ZDHHC5: variants seen among roughly 807,000 people sequenced by gnomAD.
The protein encoded by ZDHHC5 is zDHHC palmitoyltransferase 5.
In ZDHHC5, 22 loss-of-function variants were observed where a neutral mutation model predicts 70.0. The ratio of observed to expected loss-of-function variants is 0.31; its 90% CI spans 0.22 to 0.45. The LOEUF (loss-of-function observed/expected upper bound fraction) is 0.45, where lower values mean the gene tolerates loss of function less well. Among genes scored for constraint, ZDHHC5 ranks in the 20% least tolerant of loss-of-function variants. The pLI is 1.00. For synonymous variants in ZDHHC5, 313 were observed against 347.8 expected (o/e 0.90, Z 1.11); for missense variants, 746 against 926.9 (o/e 0.80, Z 2.53).
rs1353098981 is a variant in ZDHHC5 at position 57,700,827 on chromosome 11, C to T, written c.*796C>T. The T allele has an allele frequency of 6.6e-6, 1 of 152,650 alleles. No homozygotes were observed. The highest frequency in any genetic ancestry group is 1.5e-5 in the Non-Finnish European group (1 of 68,050). 9.5% of individuals were successfully genotyped at this position (152,650 alleles called of 1,614,324 possible). ...AGCTCAAACAATATTGGATAATCCC[C>T]TCCTTGGGGGAGAGGGATTAGAGTG... On this transcript the variant is annotated 3_prime_UTR_variant, in exon 12 of 12. Coordinates refer to ENST00000287169, the MANE Select transcript of ZDHHC5 (RefSeq NM_015457.3).
Position 57,700,398 on chromosome 11 carries a change from G to C in ZDHHC5, c.*367G>C, listed in dbSNP as rs1045540894. 2 of 148,642 alleles carry C rather than the reference G, an allele frequency of 1.3e-5. No individual in the cohort carries two copies. Among genetic ancestry groups the C allele is most frequent in the Admixed American group, 6.8e-5 (1 of 14,814 alleles). The allele number at this position is 148,642 out of a possible 1,614,324, so 9.2% of individuals were successfully genotyped here. ...TTTTTTTCCTCTTCTGCGTTACCAG[G>C]TGTGTGTGTACATATAATATATATA... On this transcript the variant is annotated 3_prime_UTR_variant, in exon 12 of 12. Transcript: ENST00000287169.
Position 57,693,839 on chromosome 11 carries a change from G to T in ZDHHC5, c.809G>T (p.Arg270Leu), listed in dbSNP as rs145352118. The change falls in exon 8 of 12, where the codon CGA becomes CTA. Residue 270 changes from arginine (R) to leucine (L), a missense_variant. Transcript: ENST00000287169. ...ATTGTAATCAGACCTCCCTTCCTTC[G>T]ACCAGAAGTTTCAGATGGGCAGATA... ...KTIVIRPPFL[R>L]PEVSDGQITV... is the part of the protein sequence containing the mutation. 1 of 1,608,396 alleles carries T rather than the reference G, an allele frequency of 6.2e-7. No homozygotes were observed. Among genetic ancestry groups the T allele is most frequent in the Admixed American group, 1.7e-5 (1 of 59,340 alleles).
At chr11:57,688,328 A>G (rs532199546) in intron 3 of ZDHHC5, among the ~76,000 whole-genome samples, 180 bp from the exon 4 acceptor site, 2 of 152,174 alleles carry the variant, frequency 1.3e-5, no homozygotes, top group Non-Finnish European at 2.9e-5. Context: ...TCCCTCATCC[A>G]TGTTCCCATA....
At chr11:57,668,958 C>G (rs1350946144) in intron 1 of ZDHHC5, among the ~76,000 whole-genome samples, 1 of 152,212 alleles carries the variant, frequency 6.6e-6, no homozygotes, top group African/African-American at 2.4e-5. Flanking sequence ...ATACGTTATA[C>G]GCTAGACTAT....
Position 57,698,771 on chromosome 11 carries a change from C to T in ZDHHC5, c.1335C>T (p.Ser445=), listed in dbSNP as rs758242125. The T allele has an allele frequency of 1.2e-6, 2 of 1,614,208 alleles. No homozygotes were observed. The highest frequency in any genetic ancestry group is 1.7e-6 in the Non-Finnish European group (2 of 1,180,036). ...GCTTTGAGCTGGGCCAGTTGCAATC[C>T]ATTCGTTCAGAGGGCACCACCTCCA... ...GTGFELGQLQ[S]IRSEGTTSTS... is the part of the protein sequence containing the mutation. The change falls in exon 11 of 12, where the codon TCC becomes TCT. Residue 445 remains serine (S), a synonymous_variant. Transcript: ENST00000287169.
rs374327804 is a variant in ZDHHC5 at position 57,688,707 on chromosome 11, A to G, written c.384+42A>G. 3.3e-6 allele frequency: 5 copies of G among 1,534,382 alleles called. No individual in the cohort carries two copies. The African/African-American group carries it at 5.5e-5, about 17-fold the overall frequency. The stretch of plus-strand genomic sequence containing the variant: ...GGGTAAGACTTCATGCTTAACCTTC[A>G]TTGTCTTCATCCTAACCATATAATA... On this transcript the variant is annotated intron_variant, in intron 4 of 11. Coordinates refer to ENST00000287169, the MANE Select transcript of ZDHHC5 (RefSeq NM_015457.3).
chr11:57,682,880 T>G (rs1405612593), intron 3 of ZDHHC5, among the ~76,000 whole-genome samples: 7 of 152,332 alleles, frequency 4.6e-5, no homozygotes, highest in Non-Finnish European at 1.5e-5. Context: ...TTAGGTACAG[T>G]AATACCCACA....
At chr11:57,673,350 G>A (rs1224905648) in intron 2 of ZDHHC5, among the ~76,000 whole-genome samples, 156 bp downstream of exon 2, 1 of 152,182 alleles carries the variant, frequency 6.6e-6, no homozygotes, top group African/African-American at 2.4e-5. Context: ...TAAGAAAAAT[G>A]AGAAAAAGCC....
In ZDHHC5 at chr11:57,672,249, T is replaced by C. The variant is rs189341920; in HGVS notation, c.-842T>C. 2.2e-4 allele frequency: 86 copies of C among 398,628 alleles called. No individual in the cohort carries two copies. Among genetic ancestry groups the C allele is most frequent in the African/African-American group, 1.6e-3 (77 of 48,756 alleles). The allele number at this position is 398,628 out of a possible 1,614,324, so 24.7% of individuals were successfully genotyped here. On this transcript the variant is annotated 5_prime_UTR_variant, in exon 2 of 12. Coordinates refer to ENST00000287169, the MANE Select transcript of ZDHHC5 (RefSeq NM_015457.3). ...TTTCCCTTTAGTTTTACATGAACTT[T>C]GTAGGAAACAGAGCCCTTAAAGGGC...
chr11:57,671,874 C>T (rs1385613237), intron 1 of ZDHHC5, 147 bp from the exon 2 acceptor site: 1 of 169,086 alleles, frequency 5.9e-6, no homozygotes, highest in Non-Finnish European at 1.3e-5. Flanking sequence ...ATTCAGAGTC[C>T]CTTCTTACCC....
Position 57,699,062 on chromosome 11 carries a change from C to T in ZDHHC5, c.1626C>T (p.Ala542=), listed in dbSNP as rs560873780. The T allele has an allele frequency of 1.9e-6, 3 of 1,613,482 alleles. No homozygotes were observed. Among genetic ancestry groups the T allele is most frequent in the African/African-American group, 1.3e-5 (1 of 75,050 alleles). The part of the protein sequence containing the change: ...RYDNLSRHIV[A]SLQEREKLLR... ...ACAATCTGTCGCGCCACATTGTGGCCTCTCTCCAGGAACGAGAGAAGTTGC... is the reference window on the plus strand; with the variant it reads ...ACAATCTGTCGCGCCACATTGTGGCTTCTCTCCAGGAACGAGAGAAGTTGC... Residue 542 remains alanine, a synonymous_variant, in exon 11 of 12, where the codon GCC becomes GCT. Transcript: ENST00000287169.
At chr11:57,673,996 GT>G (rs1946039547) in intron 2 of ZDHHC5, among the ~76,000 whole-genome samples, 1 of 152,218 alleles carries the variant, frequency 6.6e-6, no homozygotes, top group Non-Finnish European at 1.5e-5. Context: ...CAATGAGAGA[GT>G]TTTGGCTTTT....
Position 57,696,826 on chromosome 11 carries a change from A to G in ZDHHC5, c.1075A>G (p.Ser359Gly). The G allele has an allele frequency of 6.2e-7, 1 of 1,614,100 alleles. No homozygotes were observed. The highest frequency in any genetic ancestry group is 1.3e-5 in the African/African-American group (1 of 75,066). The change falls in exon 10 of 12, where the codon AGT (serine) becomes GGT (glycine). Residue 359 changes from serine (S) to glycine (G), a missense_variant. Ser to Gly is a moderately conservative substitution (Grantham distance 56). Transcript: ENST00000287169. ...PTMYKYRPGYSSSSTSAAMPH... is the reference protein window; with the variant it reads ...PTMYKYRPGYGSSSTSAAMPH... ...CATGTACAAGTATCGGCCGGGTTAC[A>G]GTAGCAGCAGTACGTCAGCTGCCAT...
intron 2 of ZDHHC5, among the ~76,000 whole-genome samples, chr11:57,677,209 C>G (rs1450648499): frequency 6.8e-6 from 1 of 147,600 alleles, no homozygotes; most frequent in Non-Finnish European, 1.5e-5. Flanking sequence ...GCGTGAGCCA[C>G]CACGCCCAGC....
At position 57,700,409 on chromosome 11, in the gene ZDHHC5, CATATA is replaced by C. The variant is rs2135409304; in HGVS notation, c.*384_*388del. 7.3e-6 allele frequency: 1 copy of C among 136,694 alleles called. No individual in the cohort carries two copies. Among genetic ancestry groups the C allele is most frequent in the Admixed American group, 7.7e-5 (1 of 13,032 alleles). The allele number at this position is 136,694 out of a possible 1,614,324, so 8.5% of individuals were successfully genotyped here. The stretch of plus-strand genomic sequence containing the variant: ...TTCTGCGTTACCAGGTGTGTGTGTA[CATATA>C]ATATATATATATATATATTATAAAT... On this transcript the variant is annotated 3_prime_UTR_variant, in exon 12 of 12. Transcript: ENST00000287169.
chr11:57,676,985 G>A (rs1303419612), intron 2 of ZDHHC5, among the ~76,000 whole-genome samples: 16 of 134,208 alleles, frequency 1.2e-4, no homozygotes, highest in Admixed American at 1.0e-3. Flanking sequence ...GCAGTGGCGC[G>A]ATCTCGGCTC....
At chr11:57,682,282 GATA>G (rs1487642488) in intron 2 of ZDHHC5, 137 bp from the exon 3 acceptor site, 7 of 1,159,148 alleles carry the variant, frequency 6.0e-6, no homozygotes, top group East Asian at 5.4e-5. Context: ...GAAAGATAAA[GATA>G]ATAATTTGGG....
intron 3 of ZDHHC5, 45 bp downstream of exon 3, chr11:57,682,588 A>C (rs1167679825): frequency 6.3e-7 from 1 of 1,599,508 alleles, no homozygotes; most frequent in African/African-American, 1.3e-5. Flanking sequence ...CTGCCTTTGA[A>C]AAATAATGAG....
At chr11:57,687,852 C>T (rs1350206336) in intron 3 of ZDHHC5, among the ~76,000 whole-genome samples, 1 of 145,236 alleles carries the variant, frequency 6.9e-6, no homozygotes, top group African/African-American at 2.5e-5. Flanking sequence ...CTCACTGCAA[C>T]CTCCACTTCC....
Sources: gnomAD v4.1 joint callset for allele counts (sites outside exome capture counted in the v4.1 genomes callset) on GRCh38, gnomAD v4.1.1 for gene constraint, MANE v1.5 for transcripts, NCBI Gene and HGNC (gene_info 2026-07-23, HGNC 2026-07-21) for gene names.